The following CDH13 variants were observed in gnomAD, a reference collection of about 807,000 sequenced individuals.
CDH13 encodes the protein cadherin 13.
A neutral mutation model predicts 63.8 loss-of-function variants in CDH13; 24 were observed. The observed-to-expected ratio is 0.38, with a 90% confidence interval of 0.27 to 0.53. The LOEUF (loss-of-function observed/expected upper bound fraction) is 0.53. Ranked by LOEUF, CDH13 falls within the 20% of genes least tolerant of loss-of-function variation. CDH13 has a pLI of 0.85. For missense variants in CDH13, 1,049 were observed against 903.1 expected (o/e 1.16, Z -2.07); for synonymous variants, 503 against 355.3 (o/e 1.42, Z -4.67).
intron 2 of CDH13, among the ~76,000 whole-genome samples, chr16:83,010,446 T>A (rs1043324037): frequency 3.3e-5 from 5 of 152,110 alleles, no homozygotes; most frequent in Non-Finnish European, 7.4e-5. Context: ...TTGTTTTAAT[T>A]CAAGAGTATA....
intron 7 of CDH13, among the ~76,000 whole-genome samples, chr16:83,499,993 G>T (rs1182271386): frequency 1.3e-5 from 2 of 151,848 alleles, no homozygotes; most frequent in African/African-American, 4.8e-5. Flanking sequence ...AGTAGAGATG[G>T]GGTTTCACCA....
intron 10 of CDH13, among the ~76,000 whole-genome samples, chr16:83,734,280 G>A (rs1911316712): frequency 6.6e-6 from 1 of 152,150 alleles, no homozygotes; most frequent in Non-Finnish European, 1.5e-5. Context: ...GCTGTTCACT[G>A]CACAGAAAGC....
intron 2 of CDH13, among the ~76,000 whole-genome samples, chr16:82,906,904 C>G (rs2041665175): frequency 6.6e-6 from 1 of 152,092 alleles, no homozygotes; most frequent in Admixed American, 6.5e-5. Context: ...TGTAAGGACA[C>G]CAGTCTTTGA....
chr16:83,069,500 T>C (rs117292350), intron 3 of CDH13, among the ~76,000 whole-genome samples: 3 of 152,330 alleles, frequency 2.0e-5, no homozygotes, highest in East Asian at 1.9e-4. Context: ...TTGTCATTCT[T>C]ATTTTGAAGA....
At chr16:83,661,727 G>A (rs1169396613) in intron 8 of CDH13, among the ~76,000 whole-genome samples, 1 of 152,186 alleles carries the variant, frequency 6.6e-6, no homozygotes. Flanking sequence ...ACTGGAAGGT[G>A]GACTGTGCCA....
chr16:83,034,658 C>G (rs768247915), intron 3 of CDH13, among the ~76,000 whole-genome samples: 2 of 152,080 alleles, frequency 1.3e-5, no homozygotes, highest in Non-Finnish European at 2.9e-5. Flanking sequence ...GGCGATTGTT[C>G]TTCGTGAATG....
rs372138770 is a variant in CDH13 at position 83,286,049 on chromosome 16, T to G, written c.637-58813T>G. Reference sequence around the variant, plus strand: ...TAATGGCTCAGCCATCTTTACCCTGTCTCAAATGCAAGTCTCTAAATTTGT... The same window carrying G: ...TAATGGCTCAGCCATCTTTACCCTGGCTCAAATGCAAGTCTCTAAATTTGT... On this transcript the variant is annotated intron_variant, in intron 5 of 13. Coordinates refer to ENST00000567109, the MANE Select transcript of CDH13 (RefSeq NM_001257.5). Among the ~76,000 whole-genome samples, 25 of 152,228 alleles carry G rather than the reference T, an allele frequency of 1.6e-4. No homozygotes were observed. The East Asian group carries it at 2.1e-3, about 13-fold the overall frequency.
At chr16:82,682,834 C>T (rs961939405) in intron 1 of CDH13, among the ~76,000 whole-genome samples, 2 of 152,168 alleles carry the variant, frequency 1.3e-5, no homozygotes, top group African/African-American at 4.8e-5. Flanking sequence ...GTCTGTGCCA[C>T]CCTGAGGACT....
intron 5 of CDH13, among the ~76,000 whole-genome samples, chr16:83,294,803 A>C (rs1231612455): frequency 2.0e-5 from 3 of 152,114 alleles, no homozygotes; most frequent in African/African-American, 7.2e-5. Context: ...TGCCCGTACT[A>C]CCCAAAATGA....
intron 2 of CDH13, among the ~76,000 whole-genome samples, chr16:83,020,474 T>C (rs914390980): frequency 1.3e-5 from 2 of 152,182 alleles, no homozygotes; most frequent in Non-Finnish European, 2.9e-5. Context: ...ATGACTGCTC[T>C]AGTGTTCTCT....
chr16:83,290,560 T>C (rs777156646), intron 5 of CDH13, among the ~76,000 whole-genome samples: 1 of 152,230 alleles, frequency 6.6e-6, no homozygotes, highest in Non-Finnish European at 1.5e-5. Flanking sequence ...TGTGGGACTA[T>C]GAGTTCATTA....
chr16:83,141,723 T>C (rs780306241), intron 4 of CDH13, among the ~76,000 whole-genome samples: 2 of 152,182 alleles, frequency 1.3e-5, no homozygotes, highest in Non-Finnish European at 2.9e-5. Flanking sequence ...TGTGTCCATG[T>C]GTTCTCATTG....
intron 1 of CDH13, among the ~76,000 whole-genome samples, chr16:82,841,320 G>A (rs118096817): frequency 4.0e-3 from 612 of 152,282 alleles, no homozygotes; most frequent in Non-Finnish European, 6.5e-3. Context: ...GCTTGCCCTT[G>A]GAACAAAGCC....
chr16:82,768,361 G>A (rs187459781), intron 1 of CDH13, among the ~76,000 whole-genome samples: 2 of 152,268 alleles, frequency 1.3e-5, no homozygotes, highest in East Asian at 1.9e-4. Context: ...GTGGGACTGG[G>A]CTTATTGGAG....
At chr16:82,835,253 C>T (rs1188318128) in intron 1 of CDH13, among the ~76,000 whole-genome samples, 2 of 152,186 alleles carry the variant, frequency 1.3e-5, no homozygotes, top group Non-Finnish European at 2.9e-5. Context: ...TTAACAGGCA[C>T]ATGTGACCGG....
chr16:82,706,225 A>T (rs2031479700), intron 1 of CDH13, among the ~76,000 whole-genome samples: 1 of 152,140 alleles, frequency 6.6e-6, no homozygotes, highest in African/African-American at 2.4e-5. Flanking sequence ...ACCAGGCACG[A>T]TGCAAGGCAC....
At chr16:83,688,243 T>TTATTC (rs1238510296) in intron 10 of CDH13, among the ~76,000 whole-genome samples, 1 of 152,206 alleles carries the variant, frequency 6.6e-6, no homozygotes, top group Non-Finnish European at 1.5e-5. Flanking sequence ...ATGGGACATT[T>TTATTC]TATTCTGTAT....
chr16:82,627,307 C>T (rs541481961), intron 1 of CDH13, among the ~76,000 whole-genome samples, 170 bp downstream of exon 1: 10 of 151,514 alleles, frequency 6.6e-5, no homozygotes, highest in African/African-American at 1.7e-4. Flanking sequence ...TCCTAGGCAC[C>T]CCCCACACAC....
At chr16:83,502,028 T>TC (rs1363223434) in intron 7 of CDH13, among the ~76,000 whole-genome samples, 1 of 152,192 alleles carries the variant, frequency 6.6e-6, no homozygotes, top group Non-Finnish European at 1.5e-5. Context: ...GCAAGTCACC[T>TC]CACCTACCTG....
Sources: allele counts gnomAD v4.1 joint callset (sites outside exome capture counted in the v4.1 genomes callset), GRCh38; gene constraint gnomAD v4.1.1; transcripts MANE v1.5; gene names NCBI Gene and HGNC (gene_info 2026-07-23, HGNC 2026-07-21).